BSN: variants seen among roughly 807,000 people sequenced by gnomAD.
BSN encodes the protein protein bassoon.
In BSN, 57 loss-of-function variants were observed where a neutral mutation model predicts 264.8. That is an observed-to-expected ratio of 0.22 (90% CI 0.17 to 0.27). BSN has a LOEUF of 0.27. BSN is among the 10% of genes least tolerant of loss of function. The pLI is 1.00. For missense variants in BSN, 4,615 were observed against 5,232.5 expected (o/e 0.88, Z 3.64); for synonymous variants, 2,059 against 2,137.3 (o/e 0.96, Z 1.01).
At chr3:49,600,283 G>C (rs1291565830) in intron 1 of BSN, among the ~76,000 whole-genome samples, 1 of 152,152 alleles carries the variant, frequency 6.6e-6, no homozygotes, top group Non-Finnish European at 1.5e-5. Flanking sequence ...GAGTGTTTAG[G>C]GAATGGGGGT....
chr3:49,645,332 C>T (rs569831640), intron 3 of BSN, among the ~76,000 whole-genome samples: 4 of 152,208 alleles, frequency 2.6e-5, no homozygotes, highest in Admixed American at 2.6e-4. Flanking sequence ...TGTGGATAGG[C>T]GGCCATAATG....
In BSN at chr3:49,661,926, C is replaced by T. The variant is rs755153508; in HGVS notation, c.10081C>T (p.Arg3361Trp). The T allele has an allele frequency of 4.0e-5, 65 of 1,613,758 alleles. No homozygotes were observed. Among genetic ancestry groups the T allele is most frequent in the Non-Finnish European group, 4.8e-5 (57 of 1,180,038 alleles). ...CATCTCCTCAAAGCGCAGCAAGCAC[C>T]GGAAGCAGGGCATGGAGCAAAAGAT... ...AAISSKRSKH[R>W]KQGMEQKISK... The change falls in exon 6 of 12, where the codon CGG becomes TGG. Residue 3361 changes from arginine to tryptophan, a missense_variant. By Grantham distance (101) the Arg-to-Trp change is moderately radical (BLOSUM62 -3). This residue lies in a region of BSN where 3,415 missense variants were observed against 3,866.4 expected (regional missense o/e 0.88). Transcript: ENST00000296452.
rs145024211 is a variant in BSN at position 49,651,939 on chromosome 3, G to C, written c.2383G>C (p.Glu795Gln). 1 of 1,613,512 alleles carries C rather than the reference G, an allele frequency of 6.2e-7. No homozygotes were observed. The highest frequency in any genetic ancestry group is 1.3e-5 in the African/African-American group (1 of 74,944). The change falls in exon 5 of 12, where the codon GAG becomes CAG. Residue 795 changes from glutamate (E) to glutamine (Q), a missense_variant. Glu to Gln is a conservative substitution (Grantham distance 29, BLOSUM62 2). Around this residue, in one of 3 missense-constraint regions of BSN, gnomAD observed 1,197 missense variants for 1,348.0 expected, o/e 0.89. Transcript: ENST00000296452. The surrounding 1 kb of genome is among the most constrained non-coding windows in gnomAD (Gnocchi z 5.4). ...CTCTGCTGAGTGGAGGCGCCGGAGA[G>C]AGCAGCAGGACACTGCCGAGTCCTC... ...EDSAEWRRRR[E>Q]QQDTAESSDD...
intron 1 of BSN, among the ~76,000 whole-genome samples, chr3:49,624,034 T>A (rs1323434895): frequency 1.3e-5 from 2 of 152,178 alleles, no homozygotes; most frequent in African/African-American, 2.4e-5. Context: ...GGAGTCTCGC[T>A]CTGTTGCCCA....
rs1416141444 is a variant in BSN, at chr3:49,662,019, G to A, written c.10174G>A (p.Ala3392Thr). 6 of 1,613,744 alleles carry A rather than the reference G, an allele frequency of 3.7e-6. No homozygotes were observed. Among genetic ancestry groups the A allele is most frequent in the Non-Finnish European group, 5.1e-6 (6 of 1,180,038 alleles). Residue 3392 changes from alanine to threonine, a missense_variant, in exon 6 of 12, where the codon GCA becomes ACA. By Grantham distance (58) the Ala-to-Thr change is moderately conservative. Coordinates refer to ENST00000296452, the MANE Select transcript of BSN (RefSeq NM_003458.4). ...AGACCTGGCGTCCTACCCCCCACCT[G>A]CAGTCAGCAGCAGCCTGGTCTCTCG... ...ESDLASYPPP[A>T]VSSSLVSRGR...
intron 1 of BSN, among the ~76,000 whole-genome samples, chr3:49,616,632 C>T (rs985697831): frequency 1.3e-5 from 2 of 152,184 alleles, no homozygotes; most frequent in Non-Finnish European, 2.9e-5. Flanking sequence ...CTTGGTTTTC[C>T]CTCTGGCGCC....
rs1336855239 is a variant in BSN at position 49,667,691 on chromosome 3, G to A, written c.*206G>A. Reference sequence around the variant, plus strand: ...GATGTTTTCTCACAGCAGCTGCCTGGGTGAAGCATCTGCTGGACAAGTCGG... The same window carrying A: ...GATGTTTTCTCACAGCAGCTGCCTGAGTGAAGCATCTGCTGGACAAGTCGG... On this transcript the variant is annotated 3_prime_UTR_variant, in exon 12 of 12. Coordinates refer to ENST00000296452, the MANE Select transcript of BSN (RefSeq NM_003458.4). The A allele has an allele frequency of 6.5e-6, 1 of 152,678 alleles. No homozygotes were observed. Among genetic ancestry groups the A allele is most frequent in the Non-Finnish European group, 1.5e-5 (1 of 68,066 alleles). 9.5% of individuals were successfully genotyped at this position (152,678 alleles called of 1,614,324 possible).
intron 3 of BSN, among the ~76,000 whole-genome samples, chr3:49,646,487 G>T (rs1375940013): frequency 1.3e-5 from 2 of 152,220 alleles, no homozygotes; most frequent in Non-Finnish European, 2.9e-5. Context: ...GCTCATTGGG[G>T]TAGGGGTTGC....
At chr3:49,595,349 C>T (rs1316034796) in intron 1 of BSN, among the ~76,000 whole-genome samples, 2 of 151,996 alleles carry the variant, frequency 1.3e-5, no homozygotes, top group African/African-American at 4.8e-5. Flanking sequence ...TGCACCACCA[C>T]CCCTGGCTAA....
At chr3:49,648,641 C>A (rs1306728269) in intron 3 of BSN, among the ~76,000 whole-genome samples, 1 of 152,226 alleles carries the variant, frequency 6.6e-6, no homozygotes, top group Non-Finnish European at 1.5e-5. Flanking sequence ...CGGTCTCAAC[C>A]TATCTGTATT....
intron 1 of BSN, among the ~76,000 whole-genome samples, chr3:49,605,197 T>C (rs2052102930): frequency 7.1e-6 from 1 of 140,538 alleles, no homozygotes; most frequent in Non-Finnish European, 1.5e-5. Flanking sequence ...GAGGTGGAGG[T>C]TGCAGTGGAG....
chr3:49,578,234 A>G (rs1188220898), intron 1 of BSN, among the ~76,000 whole-genome samples: 3 of 151,756 alleles, frequency 2.0e-5, no homozygotes, highest in Admixed American at 1.3e-4. Context: ...CCTGCCCTCA[A>G]TGCTGCCACA....
intron 1 of BSN, among the ~76,000 whole-genome samples, chr3:49,615,367 C>G (rs2052251528): frequency 6.6e-6 from 1 of 152,216 alleles, no homozygotes; most frequent in Admixed American, 6.5e-5. Flanking sequence ...TATACTGATG[C>G]ATGGCCACCA....
intron 1 of BSN, among the ~76,000 whole-genome samples, chr3:49,592,492 G>A (rs987316636): frequency 6.7e-6 from 1 of 150,348 alleles, no homozygotes; most frequent in Non-Finnish European, 1.5e-5. Context: ...GGTGGCTCAC[G>A]CCTGTAATCC....
At chr3:49,559,345 A>G (rs1195014060) in intron 1 of BSN, among the ~76,000 whole-genome samples, 3 of 152,184 alleles carry the variant, frequency 2.0e-5, no homozygotes, top group South Asian at 2.1e-4. Flanking sequence ...GCCATCATCA[A>G]CTTATGGCCA....
rs748401077 is a variant in BSN, at chr3:49,655,488, G to T, written c.5932G>T (p.Gly1978Cys). ...GAGGCCCTACCCACAAGGCCTGCCT[G>T]GTAGGCTGTACTCCTCCATGTCTGA... The part of the protein sequence containing the change: ...EQRPYPQGLP[G>C]RLYSSMSDTN... Residue 1978 changes from glycine (G) to cysteine (C), a missense_variant, in exon 5 of 12, where the codon GGT becomes TGT. Physicochemically the swap from Gly to Cys is radical, Grantham distance 159. This residue lies in a region of BSN where 3,415 missense variants were observed against 3,866.4 expected (regional missense o/e 0.88). Coordinates refer to ENST00000296452, the MANE Select transcript of BSN (RefSeq NM_003458.4). 1.3e-6 allele frequency: 2 copies of T among 1,597,036 alleles called. No individual in the cohort carries two copies. The highest frequency in any genetic ancestry group is 1.1e-5 in the South Asian group (1 of 89,516).
rs1385662874 is a variant in BSN, at chr3:49,625,179, A to G, written c.429A>G (p.Ser143=). ...SRTQRSGRSP[S]VSPDRGSTPT... ...CACAGAGATCAGGGCGGTCCCCCTCAGTGTCACCGGACAGAGGCAGCACCC... is the reference window on the plus strand; with the variant it reads ...CACAGAGATCAGGGCGGTCCCCCTCGGTGTCACCGGACAGAGGCAGCACCC... The change falls in exon 2 of 12, where the codon TCA becomes TCG. Residue 143 remains serine (S), a synonymous_variant. Coordinates refer to ENST00000296452, the MANE Select transcript of BSN (RefSeq NM_003458.4). The surrounding 1 kb of genome is among the most constrained non-coding windows in gnomAD (Gnocchi z 4.4). 1 of 1,566,454 alleles carries G rather than the reference A, an allele frequency of 6.4e-7. No individual in the cohort carries two copies. The highest frequency in any genetic ancestry group is 1.2e-5 in the South Asian group (1 of 85,830).
chr3:49,663,556 C>T lies in BSN; in HGVS notation c.11398C>T (p.Gln3800Ter), dbSNP rs2052684609. 6.2e-7 allele frequency: 1 copy of T among 1,607,870 alleles called. No homozygotes were observed. Among genetic ancestry groups the T allele is most frequent in the Non-Finnish European group, 8.5e-7 (1 of 1,178,708 alleles). Residue 3800 changes from glutamine (Q) to a stop codon, truncating the protein, a stop_gained, in exon 7 of 12, where the codon CAG (glutamine) becomes TAG (stop). Transcript: ENST00000296452. LOFTEE classifies it high-confidence loss of function. ...GCAGGCTCTGACACAGGCTCGGCTG[C>T]AGCAACAGAGCCAGCCAACCACCCG... ...PQQALTQARLQQQSQPTTRGS... is the reference protein window; with the variant it reads ...PQQALTQARL
intron 1 of BSN, among the ~76,000 whole-genome samples, chr3:49,561,397 G>C (rs2051710988): frequency 1.3e-5 from 2 of 152,182 alleles, no homozygotes; most frequent in South Asian, 4.1e-4. Context: ...TGGCTTGTGT[G>C]GGGAGCCAAA....
Sources: allele counts gnomAD v4.1 joint callset (sites outside exome capture counted in the v4.1 genomes callset), GRCh38; gene constraint gnomAD v4.1.1; regional missense constraint gnomAD v4.1.1; non-coding constraint Gnocchi (gnomAD v3.1); transcripts MANE v1.5; gene names NCBI Gene and HGNC (gene_info 2026-07-23, HGNC 2026-07-21).